The following AKAP13 variants were observed in gnomAD, a reference collection of about 807,000 sequenced individuals.
The protein encoded by AKAP13 is A-kinase anchoring protein 13.
In AKAP13, 80 loss-of-function variants were observed where a neutral mutation model predicts 264.5. That is an observed-to-expected ratio of 0.30 (90% CI 0.25 to 0.36). The LOEUF (loss-of-function observed/expected upper bound fraction) is 0.36, where lower values mean the gene tolerates loss of function less well. Among genes scored for constraint, AKAP13 ranks in the 10% least tolerant of loss-of-function variants. The probability of loss-of-function intolerance (pLI) is 1.00; values close to 1 mark genes in which losing one functional copy is unlikely to be tolerated. For synonymous variants in AKAP13, 1,380 were observed against 1,250.2 expected (o/e 1.10, Z -2.19); for missense variants, 3,712 against 3,435.2 (o/e 1.08, Z -2.01).
intron 8 of AKAP13, among the ~76,000 whole-genome samples, chr15:85,594,018 A>G (rs1026368273): frequency 2.6e-5 from 4 of 152,244 alleles, no homozygotes; most frequent in Non-Finnish European, 5.9e-5. Context: ...ATTCTAGCCT[A>G]TAATAGGCAT....
At chr15:85,542,112 A>G (rs1405334407) in intron 4 of AKAP13, among the ~76,000 whole-genome samples, 1 of 152,226 alleles carries the variant, frequency 6.6e-6, no homozygotes, top group Non-Finnish European at 1.5e-5. Flanking sequence ...ATGTCAGAAC[A>G]ACTGTAAGGC....
chr15:85,387,114 C>T (rs2070605255), intron 1 of AKAP13, among the ~76,000 whole-genome samples: 1 of 151,790 alleles, frequency 6.6e-6, no homozygotes, highest in Admixed American at 6.6e-5. Flanking sequence ...GCGGGTGGAT[C>T]ACCTGAGATC....
rs2151732267 is a variant in AKAP13, at chr15:85,723,440, C to T, written c.6745+120C>T. 2.9e-6 allele frequency: 4 copies of T among 1,366,506 alleles called. No homozygotes were observed. The South Asian group carries it at 5.9e-5, about 20-fold the overall frequency. 84.6% of individuals were successfully genotyped at this position (1,366,506 alleles called of 1,614,324 possible). ...CCAGAGAGCCCATCTCTAAACACTA[C>T]CCAGGAGCAACAAGCATTTAGTTCT... On this transcript the variant is annotated intron_variant, in intron 26 of 36. Transcript: ENST00000394518.
chr15:85,739,487 A>T (rs533321652), intron 33 of AKAP13, among the ~76,000 whole-genome samples: 1 of 151,948 alleles, frequency 6.6e-6, no homozygotes, highest in Admixed American at 6.6e-5. Flanking sequence ...ATAATGTTCT[A>T]TGAGAGCCTT....
intron 7 of AKAP13, 120 bp from the exon 8 acceptor site, chr15:85,585,582 C>CT: frequency 1.4e-6 from 2 of 1,395,436 alleles, no homozygotes; most frequent in Middle Eastern, 1.8e-4. Context: ...CAAAAGAATA[C>CT]TTTTCCATTT....
At chr15:85,707,437 G>C (rs941767532) in intron 17 of AKAP13, among the ~76,000 whole-genome samples, 9 of 152,194 alleles carry the variant, frequency 5.9e-5, no homozygotes, top group African/African-American at 1.9e-4. Flanking sequence ...GACCTTTCAT[G>C]TGTGGTTCCT....
Position 85,575,213 on chromosome 15 carries a change from G to C in AKAP13, c.745G>C (p.Glu249Gln). Residue 249 changes from glutamate (E) to glutamine (Q), a missense_variant, in exon 6 of 37, where the codon GAG becomes CAG. Physicochemically the swap from Glu to Gln is conservative, Grantham distance 29 (BLOSUM62 2). This residue lies in a region of AKAP13 where 2,759 missense variants were observed against 2,411.7 expected (regional missense o/e 1.14). Coordinates refer to ENST00000394518, the MANE Select transcript of AKAP13 (RefSeq NM_007200.5). The stretch of plus-strand genomic sequence containing the variant: ...AGACTGTTCTGTGAGGCATCATCGA[G>C]AGTTGGACATCTATACATTAACCTC... ...YGDCSVRHHRELDIYTLTSES... is the reference protein window; with the variant it reads ...YGDCSVRHHRQLDIYTLTSES... The C allele has an allele frequency of 1.2e-6, 2 of 1,614,122 alleles. No homozygotes were observed. Among genetic ancestry groups the C allele is most frequent in the Non-Finnish European group, 1.7e-6 (2 of 1,180,026 alleles).
At chr15:85,675,566 G>T (rs997408388) in intron 14 of AKAP13, among the ~76,000 whole-genome samples, 1 of 152,152 alleles carries the variant, frequency 6.6e-6, no homozygotes, top group African/African-American at 2.4e-5. Context: ...TGGTAGGAGG[G>T]GGGTGAACTC....
At chr15:85,508,435 G>A (rs1380069811) in intron 2 of AKAP13, among the ~76,000 whole-genome samples, 1 of 150,342 alleles carries the variant, frequency 6.7e-6, no homozygotes, top group African/African-American at 2.4e-5. Flanking sequence ...GCGCTATCGT[G>A]CCTGGCCTTG....
chr15:85,511,941 TC>T (rs1372780478), intron 2 of AKAP13, among the ~76,000 whole-genome samples: 2 of 152,226 alleles, frequency 1.3e-5, no homozygotes, highest in African/African-American at 4.8e-5. Flanking sequence ...CTATTCTTTT[TC>T]CTTCTTAGGA....
chr15:85,664,846 CTATGATTACTTACCCATTA>C, intron 13 of AKAP13, 91 bp downstream of exon 13: 1 of 1,189,240 alleles, frequency 8.4e-7, no homozygotes, highest in Non-Finnish European at 1.2e-6. Flanking sequence ...AGGCTAGTAG[CTATGATTACTTACCCATTA>C]TATGATATAC....
chr15:85,632,287 T>G (rs1333031915), intron 8 of AKAP13, among the ~76,000 whole-genome samples: 1 of 152,098 alleles, frequency 6.6e-6, no homozygotes, highest in Non-Finnish European at 1.5e-5. Context: ...CACGAAGGGG[T>G]CCAGGTTGAT....
rs146236698 is a variant in AKAP13 at position 85,512,813 on chromosome 15, TTATGTATGTATGTATGTATGTATGTATG to T, written c.34-8585_34-8558del. Among the ~76,000 whole-genome samples, 26 of 145,860 alleles carry T rather than the reference TTATGTATGTATGTATGTATGTATGTATG, an allele frequency of 1.8e-4. No homozygotes were observed. The South Asian group carries it at 2.0e-3, about 11-fold the overall frequency. Reference sequence around the variant, plus strand: ...CATGCTCCTACAGTGTTGACTATTTTTATGTATGTATGTATGTATGTATGTATGTATGTATGTATGTATGTATGTATGT... The same window carrying T: ...CATGCTCCTACAGTGTTGACTATTTTTATGTATGTATGTATGTATGTATGT... On this transcript the variant is annotated intron_variant, in intron 2 of 36. Transcript: ENST00000394518.
chr15:85,388,739 T>C (rs2070710937), intron 1 of AKAP13, among the ~76,000 whole-genome samples: 1 of 152,248 alleles, frequency 6.6e-6, no homozygotes, highest in Admixed American at 6.5e-5. Flanking sequence ...CATTTGCTAC[T>C]GAATCTTTTT....
At chr15:85,582,986 A>G in intron 7 of AKAP13, 3 of 985,486 alleles carry the variant, frequency 3.0e-6, no homozygotes, top group Non-Finnish European at 2.4e-6. Flanking sequence ...CTCCGTGGAA[A>G]TAAACTATCT....
At chr15:85,739,107 GT>G (rs1387975728) in intron 33 of AKAP13, among the ~76,000 whole-genome samples, 3 of 152,042 alleles carry the variant, frequency 2.0e-5, no homozygotes, top group Admixed American at 1.3e-4. Flanking sequence ...ATAGTTAACC[GT>G]TTTTCTACGT....
chr15:85,637,767 G>C (rs182725925), intron 8 of AKAP13, among the ~76,000 whole-genome samples: 1 of 151,496 alleles, frequency 6.6e-6, no homozygotes, highest in Non-Finnish European at 1.5e-5. Context: ...AAATATTGCT[G>C]TTAGCACTGC....
intron 2 of AKAP13, among the ~76,000 whole-genome samples, chr15:85,493,163 G>A (rs1173076576): frequency 6.6e-6 from 1 of 152,210 alleles, no homozygotes; most frequent in Admixed American, 6.5e-5. Flanking sequence ...CTCTGCCTTT[G>A]TGGATACACA....
chr15:85,588,397 G>A lies in AKAP13; in HGVS notation c.4161+2574G>A, dbSNP rs531699918. On this transcript the variant is annotated intron_variant, in intron 8 of 36. Coordinates refer to ENST00000394518, the MANE Select transcript of AKAP13 (RefSeq NM_007200.5). Reference sequence around the variant, plus strand: ...AAGAGAACACACCCTGCATGGGTACGTGTGTCTTTGTTTCCAGAAGCCCCT... The same window carrying A: ...AAGAGAACACACCCTGCATGGGTACATGTGTCTTTGTTTCCAGAAGCCCCT... 1.1e-4 allele frequency among the ~76,000 whole-genome samples: 16 copies of A among 152,282 alleles called. No homozygotes were observed. The South Asian group carries it at 2.7e-3, about 26-fold the overall frequency.
Sources: gnomAD v4.1 joint callset for allele counts (sites outside exome capture counted in the v4.1 genomes callset) on GRCh38, gnomAD v4.1.1 for gene constraint, gnomAD v4.1.1 regional missense constraint, MANE v1.5 for transcripts, NCBI Gene and HGNC (gene_info 2026-07-23, HGNC 2026-07-21) for gene names.